Variants in IDUA observed in about 807,000 individuals in gnomAD.
The protein encoded by IDUA is alpha-L-iduronidase.
In IDUA, 65 loss-of-function variants were observed where a neutral mutation model predicts 68.9. The observed-to-expected ratio is 0.94, with a 90% CI of 0.77 to 1.16. The LOEUF (loss-of-function observed/expected upper bound fraction) is 1.16, where lower values mean the gene tolerates loss of function less well. Among genes scored for constraint, IDUA ranks in the 50% most tolerant of loss-of-function variants. The probability of loss-of-function intolerance (pLI) is 0.00; values close to 1 mark genes in which losing one functional copy is unlikely to be tolerated. For synonymous variants in IDUA, 529 were observed against 433.6 expected, an observed-to-expected ratio of 1.22 and a Z score of -2.73; for missense variants, 1,046 against 938.0, an observed-to-expected ratio of 1.12 and a Z score of -1.50.
At position 987,877 on chromosome 4, in the gene IDUA, A is replaced by G. The variant is rs780165694; in HGVS notation, c.227A>G (p.Tyr76Cys). The change falls in exon 2 of 14, where the codon TAT becomes TGT. Residue 76 changes from tyrosine (Y) to cysteine (C), a missense_variant. By Grantham distance (194) the Tyr-to-Cys change is radical. Transcript: ENST00000514224. ...TGGGACCAGCAGCTCAACCTCGCCTATGTGGGCGCCGTCCCTCACCGCGGC... is the reference window on the plus strand; with the variant it reads ...TGGGACCAGCAGCTCAACCTCGCCTGTGTGGGCGCCGTCCCTCACCGCGGC... ...LSWDQQLNLA[Y>C]VGAVPHRGIK... 1.6e-5 allele frequency: 26 copies of G among 1,611,888 alleles called. No homozygotes were observed. The highest frequency in any genetic ancestry group is 1.8e-5 in the Non-Finnish European group (21 of 1,179,648).
intron 4 of IDUA, 184 bp from the exon 5 acceptor site, chr4:1,001,284 G>T: frequency 1.5e-6 from 1 of 649,858 alleles, no homozygotes; most frequent in Non-Finnish European, 2.8e-6. Flanking sequence ...CTATCACCCA[G>T]GCCGCCGCCC....
chr4:987,751 A>G, intron 1 of IDUA, 58 bp from the exon 2 acceptor site: 1 of 1,607,250 alleles, frequency 6.2e-7, no homozygotes, highest in African/African-American at 1.3e-5. Flanking sequence ...CGTGTGTGTC[A>G]GCCGCGCTGC....
intron 2 of IDUA, among the ~76,000 whole-genome samples, chr4:998,133 T>C (rs1037000822): frequency 1.3e-5 from 2 of 150,446 alleles, no homozygotes; most frequent in Non-Finnish European, 3.0e-5. Flanking sequence ...GGAGGAGAGG[T>C]GGTAGGGGCC....
intron 2 of IDUA, 199 bp downstream of exon 2, chr4:988,148 G>C: frequency 7.1e-7 from 1 of 1,402,240 alleles, no homozygotes; most frequent in Non-Finnish European, 9.3e-7. Context: ...GGCACGGTGG[G>C]CTTCCTGCAG....
chr4:996,285 G>T (rs1714741056), intron 2 of IDUA, among the ~76,000 whole-genome samples: 1 of 152,216 alleles, frequency 6.6e-6, no homozygotes, highest in South Asian at 2.1e-4. Flanking sequence ...GGCCCCTCTG[G>T]GTGCAGCCAC....
Position 1,002,755 on chromosome 4 carries a change from G to C in IDUA, c.1213G>C (p.Val405Leu). 2 of 1,485,614 alleles carry C rather than the reference G, an allele frequency of 1.3e-6. No homozygotes were observed. The highest frequency in any genetic ancestry group is 2.5e-5 in the South Asian group (2 of 78,436). 92.0% of individuals were successfully genotyped at this position (1,485,614 alleles called of 1,614,324 possible). Reference sequence around the variant, plus strand: ...AGATGAGGAGCAGCTCTGGGCCGAAGTGTCGCAGGCCGGGACCGTCCTGGA... The same window carrying C: ...AGATGAGGAGCAGCTCTGGGCCGAACTGTCGCAGGCCGGGACCGTCCTGGA... ...LLDEEQLWAEVSQAGTVLDSN... is the reference protein window; with the variant it reads ...LLDEEQLWAELSQAGTVLDSN... Residue 405 changes from valine to leucine, a missense_variant, in exon 9 of 14, where the codon GTG becomes CTG. Val to Leu is a conservative substitution (Grantham distance 32, BLOSUM62 1). Coordinates refer to ENST00000514224, the MANE Select transcript of IDUA (RefSeq NM_000203.5).
In IDUA at chr4:1,001,487, T is replaced by C. The variant is rs745943106; in HGVS notation, c.513T>C (p.His171=). 2.5e-6 allele frequency: 4 copies of C among 1,613,136 alleles called. No individual in the cohort carries two copies. The South Asian group carries it at 4.4e-5, about 18-fold the overall frequency. The change falls in exon 5 of 14, where the codon CAT becomes CAC. Residue 171 remains histidine, a synonymous_variant. Transcript: ENST00000514224. The part of the protein sequence containing the change: ...RRYIGRYGLA[H]VSKWNFETWN... ...CTGCAGGTAGGTACGGACTGGCGCA[T>C]GTTTCCAAGTGGAACTTCGAGACGT...
chr4:998,875 C>T (rs796480411), intron 2 of IDUA, among the ~76,000 whole-genome samples: 4 of 151,784 alleles, frequency 2.6e-5, no homozygotes, highest in African/African-American at 9.7e-5. Context: ...CACCATACCT[C>T]TCTGGGCAAC....
At position 1,000,919 on chromosome 4, in the gene IDUA, T is replaced by A. The variant is rs1285515605; in HGVS notation, c.423T>A (p.Thr141=). The A allele has an allele frequency of 6.2e-7, 1 of 1,613,392 alleles. No homozygotes were observed. The highest frequency in any genetic ancestry group is 8.5e-7 in the Non-Finnish European group (1 of 1,179,956). ...TGGGCAGCGCCTCGGGCCACTTCAC[T>A]GACTTTGAGGACAAGCAGCAGGTGT... ...ELMGSASGHF[T]DFEDKQQVFE... Residue 141 remains threonine, a synonymous_variant, in exon 4 of 14, where the codon ACT becomes ACA. Transcript: ENST00000514224.
intron 2 of IDUA, among the ~76,000 whole-genome samples, chr4:994,875 A>G (rs567816202): frequency 8.0e-4 from 122 of 152,152 alleles, no homozygotes; most frequent in Non-Finnish European, 1.4e-3. Context: ...GCCATGAGGT[A>G]TGATTAGGCC....
Position 1,002,747 on chromosome 4 carries a change from G to A in IDUA, c.1205G>A (p.Trp402Ter), listed in dbSNP as rs121965019. 1.3e-3 allele frequency: 1,880 copies of A among 1,485,790 alleles called. No homozygotes were observed. Among genetic ancestry groups the A allele is most frequent in the Non-Finnish European group, 1.6e-3 (1,749 of 1,124,730 alleles). The allele number at this position is 1,485,790 out of a possible 1,614,324, so 92.0% of individuals were successfully genotyped here. ...CGCCCCGCAGATGAGGAGCAGCTCT[G>A]GGCCGAAGTGTCGCAGGCCGGGACC... ...LLALLDEEQL[W>*]AEVSQAGTVL... The change falls in exon 9 of 14, where the codon TGG (tryptophan) becomes TAG (stop). Residue 402 changes from tryptophan (W) to a stop codon, truncating the protein, a stop_gained. Transcript: ENST00000514224. LOFTEE classifies it high-confidence loss of function.
intron 2 of IDUA, chr4:989,764 C>T: frequency 6.4e-7 from 1 of 1,560,988 alleles, no homozygotes; most frequent in South Asian, 1.2e-5. Flanking sequence ...GGTGGCGAAG[C>T]AGTGGAGGAA....
intron 2 of IDUA, among the ~76,000 whole-genome samples, chr4:999,027 A>G (rs1170759506): frequency 3.3e-5 from 5 of 151,920 alleles, no homozygotes; most frequent in South Asian, 4.2e-4. Flanking sequence ...ACATGGTGAA[A>G]CTCCGTCTCT....
At chr4:1,002,517 G>A (rs1001375660) in intron 8 of IDUA, 32 bp downstream of exon 8, 7 of 1,466,206 alleles carry the variant, frequency 4.8e-6, no homozygotes, top group Non-Finnish European at 6.3e-6. Context: ...GGGCCGGCCA[G>A]GGCCCTCCAG....
intron 6 of IDUA, 48 bp downstream of exon 6, chr4:1,001,929 C>T (rs1313447236): frequency 6.4e-7 from 1 of 1,569,782 alleles, no homozygotes; most frequent in South Asian, 1.2e-5. Context: ...CCCTCAGCCG[C>T]TGTGCCCCGG....
At position 999,172 on chromosome 4, in the gene IDUA, C is replaced by T. The variant is rs61084859; in HGVS notation, c.300-1440C>T. On this transcript the variant is annotated intron_variant, in intron 2 of 13. Transcript: ENST00000514224. ...GTGAGCCGAGATCGCGCCACTGCAC[C>T]CCAGGCTGGGCAACAGAGTGAGACT... Among the ~76,000 whole-genome samples, 1,046 of 151,500 alleles carry T rather than the reference C, an allele frequency of 6.9e-3. 3 individuals carry two copies. Among genetic ancestry groups the T allele is most frequent in the Non-Finnish European group, 9.5e-3 (647 of 67,806 alleles).
Position 1,003,876 on chromosome 4 carries a change from AG to A in IDUA, c.1728-135del, listed in dbSNP as rs1715280133. 1.2e-4 allele frequency: 107 copies of A among 865,288 alleles called. No homozygotes were observed. In the South Asian group the frequency reaches 1.4e-3, roughly 11 times the overall value. The allele number at this position is 865,288 out of a possible 1,614,324, so 53.6% of individuals were successfully genotyped here. Reference sequence around the variant, plus strand: ...AGCCCTCTCCTGCCTGGGCAGGAAGAGTGCCCAGGGGCTGGGGAGGTGCCGC... The same window carrying A: ...AGCCCTCTCCTGCCTGGGCAGGAAGATGCCCAGGGGCTGGGGAGGTGCCGC... On this transcript the variant is annotated intron_variant, in intron 12 of 13. Coordinates refer to ENST00000514224, the MANE Select transcript of IDUA (RefSeq NM_000203.5).
chr4:1,001,102 C>A, intron 4 of IDUA, 113 bp downstream of exon 4: 1 of 785,952 alleles, frequency 1.3e-6, no homozygotes, highest in Non-Finnish European at 2.2e-6. Flanking sequence ...TGGGCAGGCG[C>A]AGGCCCTTGT....
rs3755954 is a variant in IDUA, at chr4:1,000,664, C to T, written c.352C>T (p.Leu118=). Reference sequence around the variant, plus strand: ...CAACTTCACCCACCTGGACGGGTACCTGGACCTTCTCAGGGAGAACCAGCT... The same window carrying T: ...CAACTTCACCCACCTGGACGGGTACTTGGACCTTCTCAGGGAGAACCAGCT... ...SYNFTHLDGY[L]DLLRENQLLP... The change falls in exon 3 of 14, where the codon CTG becomes TTG. Residue 118 remains leucine, a synonymous_variant. Coordinates refer to ENST00000514224, the MANE Select transcript of IDUA (RefSeq NM_000203.5). 369,982 of 1,611,626 alleles carry T rather than the reference C, an allele frequency of 0.23. 44,774 individuals are homozygous for T. The highest frequency in any genetic ancestry group is 0.25 in the Non-Finnish European group (296,774 of 1,178,988).
Sources: gnomAD v4.1 joint callset for allele counts (sites outside exome capture counted in the v4.1 genomes callset) on GRCh38, gnomAD v4.1.1 for gene constraint, MANE v1.5 for transcripts, NCBI Gene and HGNC (gene_info 2026-07-23, HGNC 2026-07-21) for gene names.